RGL1: variants seen among roughly 807,000 people sequenced by gnomAD.
RGL1 encodes the protein ral guanine nucleotide dissociation stimulator like 1.
In RGL1, 24 loss-of-function variants were observed where a neutral mutation model predicts 95.2. That is an observed-to-expected ratio of 0.25 (90% CI 0.18 to 0.35). The LOEUF (loss-of-function observed/expected upper bound fraction) is 0.35. Ranked by LOEUF, RGL1 falls within the 10% of genes least tolerant of loss-of-function variation. RGL1 has a pLI of 1.00. For missense variants in RGL1, 715 were observed against 936.3 expected (o/e 0.76, Z 3.08); for synonymous variants, 329 against 344.9 (o/e 0.95, Z 0.51).
At chr1:183,653,696 T>A (rs1052985584) in intron 1 of RGL1, among the ~76,000 whole-genome samples, 5 of 152,194 alleles carry the variant, frequency 3.3e-5, no homozygotes, top group African/African-American at 9.7e-5. Flanking sequence ...TGTTTTTGAT[T>A]CTGTCTAAAC....
chr1:183,910,310 G>A (rs1668570316), intron 14 of RGL1, among the ~76,000 whole-genome samples: 1 of 152,132 alleles, frequency 6.6e-6, no homozygotes, highest in African/African-American at 2.4e-5. Context: ...GTTGCCTGGA[G>A]TGGTCTTGAA....
intron 2 of RGL1, among the ~76,000 whole-genome samples, chr1:183,841,376 G>C (rs985663455): frequency 3.3e-5 from 5 of 152,070 alleles, no homozygotes; most frequent in Admixed American, 3.3e-4. Context: ...ATTTCACTGG[G>C]CATCCTGTAA....
At chr1:183,848,991 A>T (rs1031958020) in intron 3 of RGL1, among the ~76,000 whole-genome samples, 1 of 152,138 alleles carries the variant, frequency 6.6e-6, no homozygotes, top group Admixed American at 6.5e-5. Context: ...TATATATGAT[A>T]TGTTTATATA....
chr1:183,917,990 G>A (rs1199995426), intron 16 of RGL1, among the ~76,000 whole-genome samples: 5 of 152,196 alleles, frequency 3.3e-5, no homozygotes, highest in Non-Finnish European at 5.9e-5. Flanking sequence ...TCATGTGGCT[G>A]GAGATGGTGA....
intron 1 of RGL1, among the ~76,000 whole-genome samples, chr1:183,659,359 TA>T (rs1250262298): frequency 1.3e-5 from 2 of 152,068 alleles, no homozygotes; most frequent in African/African-American, 4.8e-5. Context: ...GAGAAGTGCT[TA>T]AAGGAGCTGA....
intron 2 of RGL1, among the ~76,000 whole-genome samples, chr1:183,755,785 G>A (rs12030272): frequency 1.3e-5 from 2 of 152,162 alleles, no homozygotes; most frequent in East Asian, 1.9e-4. Flanking sequence ...CAGGTATTTC[G>A]AGAGCTTAGA....
intron 2 of RGL1, among the ~76,000 whole-genome samples, chr1:183,834,222 T>C (rs1196271341): frequency 6.6e-6 from 1 of 152,160 alleles, no homozygotes; most frequent in Non-Finnish European, 1.5e-5. Context: ...GCTGAATGAA[T>C]GTATCTACTC....
At chr1:183,740,213 C>CCTTGT (rs1657204282) in intron 1 of RGL1, among the ~76,000 whole-genome samples, 1 of 151,902 alleles carries the variant, frequency 6.6e-6, no homozygotes, top group Non-Finnish European at 1.5e-5. Flanking sequence ...TATTTCCTTG[C>CCTTGT]GTGTATGTGT....
chr1:183,871,113 A>G (rs1232334628), intron 4 of RGL1, among the ~76,000 whole-genome samples: 1 of 152,252 alleles, frequency 6.6e-6, no homozygotes, highest in East Asian at 1.9e-4. Context: ...TCAAAAAATG[A>G]ATAACAGAAA....
At chr1:183,712,742 C>T (rs1252251258) in intron 1 of RGL1, among the ~76,000 whole-genome samples, 1 of 152,158 alleles carries the variant, frequency 6.6e-6, no homozygotes, top group East Asian at 1.9e-4. Flanking sequence ...GAATGATAGT[C>T]TCATATAGAC....
chr1:183,674,178 T>A (rs1339314660), intron 1 of RGL1, among the ~76,000 whole-genome samples: 1 of 152,138 alleles, frequency 6.6e-6, no homozygotes, highest in Non-Finnish European at 1.5e-5. Flanking sequence ...GGATTCACAT[T>A]TCTAGGATGC....
chr1:183,866,019 A>G lies in RGL1; in HGVS notation c.371A>G (p.Asn124Ser), dbSNP rs773762094. ...AGGTATGGAAACCTGACAAGCCCAA[A>G]CTGTGAAGAAGATGGAAGCCAAAGT... ...LDRYGNLTSP[N>S]CEEDGSQSSS... The change falls in exon 4 of 18, where the codon AAC becomes AGC. Residue 124 changes from asparagine (N) to serine (S), a missense_variant. By Grantham distance (46) the Asn-to-Ser change is conservative. Around this residue, in one of 3 missense-constraint regions of RGL1, gnomAD observed 381 missense variants for 484.8 expected, o/e 0.79. Transcript: ENST00000360851. 13 of 1,613,874 alleles carry G rather than the reference A, an allele frequency of 8.1e-6. No homozygotes were observed. In the African/African-American group the frequency reaches 1.5e-4, roughly 18 times the overall value.
At chr1:183,798,599 ATAGAG>A (rs976976398) in intron 2 of RGL1, among the ~76,000 whole-genome samples, 4 of 152,078 alleles carry the variant, frequency 2.6e-5, no homozygotes, top group African/African-American at 7.2e-5. Flanking sequence ...TAAGTATATA[ATAGAG>A]TATTGGTAGC....
At chr1:183,821,450 A>G (rs1473429178) in intron 2 of RGL1, among the ~76,000 whole-genome samples, 1 of 152,172 alleles carries the variant, frequency 6.6e-6, no homozygotes, top group Non-Finnish European at 1.5e-5. Flanking sequence ...TTTTCTTTTT[A>G]CTATGAATCA....
At chr1:183,878,760 C>T (rs575129064) in intron 4 of RGL1, among the ~76,000 whole-genome samples, 115 of 152,062 alleles carry the variant, frequency 7.6e-4, no homozygotes, top group Non-Finnish European at 9.7e-4. Flanking sequence ...TTTGTGTTTC[C>T]GTCTGGGTGT....
At chr1:183,655,891 A>G (rs1183685863) in intron 1 of RGL1, among the ~76,000 whole-genome samples, 1 of 152,190 alleles carries the variant, frequency 6.6e-6, no homozygotes, top group East Asian at 1.9e-4. Flanking sequence ...TAGATGCTCT[A>G]AAGAAGGCTT....
Position 183,910,003 on chromosome 1 carries a change from A to G in RGL1, c.1563-2079A>G, listed in dbSNP as rs572679737. On this transcript the variant is annotated intron_variant, in intron 14 of 17. Transcript: ENST00000360851. ...TATTATTCAGTGTCTTTTGACTTCC[A>G]TGGTTACTTTTGAGATGTGTGGTAT... Among the ~76,000 whole-genome samples, 12 of 152,260 alleles carry G rather than the reference A, an allele frequency of 7.9e-5. No homozygotes were observed. The East Asian group carries it at 2.1e-3, about 27-fold the overall frequency.
intron 2 of RGL1, among the ~76,000 whole-genome samples, chr1:183,752,233 A>AT (rs201979430): frequency 0.18 from 26,770 of 147,262 alleles, 3,249 homozygotes; most frequent in African/African-American, 0.35. Flanking sequence ...AGATTTCTTA[A>AT]TTTTTTTTTT....
At chr1:183,860,218 C>G (rs917458599) in intron 3 of RGL1, among the ~76,000 whole-genome samples, 1 of 152,114 alleles carries the variant, frequency 6.6e-6, no homozygotes, top group South Asian at 2.1e-4. Flanking sequence ...TTTCACTATC[C>G]CCAATAAAGT....
Sources: gnomAD v4.1 joint callset for allele counts (sites outside exome capture counted in the v4.1 genomes callset) on GRCh38, gnomAD v4.1.1 for gene constraint, gnomAD v4.1.1 regional missense constraint, MANE v1.5 for transcripts, NCBI Gene and HGNC (gene_info 2026-07-23, HGNC 2026-07-21) for gene names.